The following ASB7 variants were observed in gnomAD, a reference collection of about 807,000 sequenced individuals.
ASB7 encodes the protein ankyrin repeat and SOCS box protein 7.
ASB7 carries 4 observed loss-of-function variants against 32.5 expected under a neutral mutation model. The ratio of observed to expected loss-of-function variants is 0.12; its 90% CI spans 0.06 to 0.28. The LOEUF is 0.28. Ranked by LOEUF, ASB7 falls within the 10% of genes least tolerant of loss-of-function variation. The pLI is 1.00. For synonymous variants in ASB7, 172 were observed against 155.6 expected, an observed-to-expected ratio of 1.11 and a Z score of -0.78; for missense variants, 181 against 407.1, an observed-to-expected ratio of 0.44 and a Z score of 4.78.
chr15:100,628,428 T>G (rs1415158167), intron 4 of ASB7, among the ~76,000 whole-genome samples: 1 of 152,194 alleles, frequency 6.6e-6, no homozygotes, highest in East Asian at 1.9e-4. Flanking sequence ...CATTAATGAT[T>G]TTTTTCTTTT....
intron 5 of ASB7, chr15:100,645,392 G>A (rs530290283): frequency 2.5e-5 from 7 of 275,098 alleles, no homozygotes; most frequent in Admixed American, 2.4e-4. Flanking sequence ...TTTATAGAAA[G>A]AATCTCTATA....
rs541308184 is a variant in ASB7 at position 100,606,492 on chromosome 15, A to G, written c.-174+3179A>G. ...TGGTGAAGGTTTTGTAACTTCGGACAGGTCTTAAGCATATTTTGTTTTATG... is the reference window on the plus strand; with the variant it reads ...TGGTGAAGGTTTTGTAACTTCGGACGGGTCTTAAGCATATTTTGTTTTATG... On this transcript the variant is annotated intron_variant, in intron 2 of 5. Transcript: ENST00000332783. Among the ~76,000 whole-genome samples, 238 of 152,332 alleles carry G rather than the reference A, an allele frequency of 1.6e-3. 2 individuals carry two copies. The highest frequency in any genetic ancestry group is 3.7e-4 in the Non-Finnish European group (25 of 68,026).
At position 100,603,313 on chromosome 15, in the gene ASB7, G is replaced by T; in HGVS notation, c.-174G>T. 3.6e-6 allele frequency: 1 copy of T among 275,164 alleles called. No individual in the cohort carries two copies. The highest frequency in any genetic ancestry group is 6.8e-6 in the Non-Finnish European group (1 of 147,818). The allele number at this position is 275,164 out of a possible 1,614,324, so 17.0% of individuals were successfully genotyped here. A position where few individuals can be genotyped will look rare whatever the true frequency, so the allele number is the denominator to read the frequency against. ...GCCTCTGACCAGCATCGTCTGTAAA[G>T]GTAATGAGCCAGCCCTCCCCTCCCC... On this transcript the variant is annotated splice_region_variant and 5_prime_UTR_variant, in exon 2 of 6. The change creates a new upstream start codon in the 5' untranslated region. Transcript: ENST00000332783.
At chr15:100,610,009 C>A (rs916486542) in intron 3 of ASB7, among the ~76,000 whole-genome samples, 181 bp downstream of exon 3, 1 of 152,180 alleles carries the variant, frequency 6.6e-6, no homozygotes, top group Non-Finnish European at 1.5e-5. Flanking sequence ...TAAGTGCCAA[C>A]ATAATCACTT....
At chr15:100,622,233 A>G (rs2039800175) in intron 4 of ASB7, among the ~76,000 whole-genome samples, 2 of 152,216 alleles carry the variant, frequency 1.3e-5, no homozygotes, top group Admixed American at 1.3e-4. Flanking sequence ...CCAACAACCT[A>G]GGAATAAATT....
chr15:100,626,457 G>A (rs1483383249), intron 4 of ASB7, among the ~76,000 whole-genome samples: 1 of 152,186 alleles, frequency 6.6e-6, no homozygotes, highest in Non-Finnish European at 1.5e-5. Flanking sequence ...ATGATACCAA[G>A]ATGTAGAACA....
chr15:100,612,648 G>A, intron 4 of ASB7: 1 of 575,272 alleles, frequency 1.7e-6, no homozygotes, highest in South Asian at 2.0e-5. Flanking sequence ...TGAAACTGTA[G>A]TGTCTGTACA....
At chr15:100,621,371 C>T (rs183283932) in intron 4 of ASB7, among the ~76,000 whole-genome samples, 6 of 152,218 alleles carry the variant, frequency 3.9e-5, no homozygotes, top group Admixed American at 3.3e-4. Flanking sequence ...ATTTTTCAAA[C>T]GTAGGCATTC....
Position 100,603,034 on chromosome 15 carries a change from G to C in ASB7, c.-285G>C, listed in dbSNP as rs1348628461. The C allele has an allele frequency of 5.0e-6, 2 of 399,270 alleles. No homozygotes were observed. The highest frequency in any genetic ancestry group is 8.8e-6 in the Non-Finnish European group (2 of 226,660). 24.7% of individuals were successfully genotyped at this position (399,270 alleles called of 1,614,324 possible). ...GCTGAAAGGAGGAAGAGAAGCAGCA[G>C]CTGAGGAGACAGGTAAAGTCCTTTA... On this transcript the variant is annotated 5_prime_UTR_variant, in exon 1 of 6. Transcript: ENST00000332783.
chr15:100,640,940 T>C (rs2039956808), intron 5 of ASB7, among the ~76,000 whole-genome samples: 2 of 152,376 alleles, frequency 1.3e-5, no homozygotes, highest in South Asian at 4.1e-4. Context: ...TGAACTATTA[T>C]GTAATTCCAT....
intron 4 of ASB7, among the ~76,000 whole-genome samples, chr15:100,617,648 G>T (rs2039754975): frequency 6.6e-6 from 1 of 152,220 alleles, no homozygotes; most frequent in Admixed American, 6.5e-5. Flanking sequence ...TGTTCCCTGT[G>T]TGATGTTATC....
chr15:100,619,287 A>G (rs189532982), intron 4 of ASB7, among the ~76,000 whole-genome samples: 2 of 152,204 alleles, frequency 1.3e-5, no homozygotes, highest in Non-Finnish European at 2.9e-5. Flanking sequence ...GGAGATGAAG[A>G]ATGTTCAGTA....
intron 5 of ASB7, among the ~76,000 whole-genome samples, chr15:100,644,478 T>C (rs1485522496): frequency 6.6e-6 from 1 of 152,224 alleles, no homozygotes; most frequent in Non-Finnish European, 1.5e-5. Flanking sequence ...GCTGTTGACC[T>C]GAGTGTGTTT....
intron 5 of ASB7, among the ~76,000 whole-genome samples, chr15:100,644,984 A>G (rs2039987999): frequency 6.6e-6 from 1 of 152,260 alleles, no homozygotes; most frequent in Non-Finnish European, 1.5e-5. Context: ...GTATGTTCAT[A>G]CAGGCCTTAC....
chr15:100,618,749 A>G (rs1276760022), intron 4 of ASB7, among the ~76,000 whole-genome samples: 1 of 152,104 alleles, frequency 6.6e-6, no homozygotes, highest in East Asian at 1.9e-4. Context: ...TGAGCACCTA[A>G]TAGATGCCAG....
intron 4 of ASB7, among the ~76,000 whole-genome samples, chr15:100,618,053 C>T (rs1318811781): frequency 6.6e-6 from 1 of 152,226 alleles, no homozygotes; most frequent in East Asian, 1.9e-4. Context: ...CTCCTGGGCT[C>T]AAGCAGTCCT....
intron 4 of ASB7, among the ~76,000 whole-genome samples, chr15:100,624,116 T>C (rs1441898585): frequency 1.3e-5 from 2 of 152,192 alleles, no homozygotes; most frequent in African/African-American, 4.8e-5. Flanking sequence ...GGCCTCTCGA[T>C]AGTAGAGAAT....
chr15:100,648,404 A>C lies in ASB7; in HGVS notation c.899A>C (p.Glu300Ala). The C allele has an allele frequency of 2.5e-6, 4 of 1,610,156 alleles. No individual in the cohort carries two copies. The highest frequency in any genetic ancestry group is 3.4e-6 in the Non-Finnish European group (4 of 1,176,472). Residue 300 changes from glutamate (E) to alanine (A), a missense_variant, in exon 6 of 6, where the codon GAA becomes GCA. Transcript: ENST00000332783. Reference sequence around the variant, plus strand: ...CTTCAAAACCTAAAGCTACTTGATGAACTACCAATTGCCAAGGTCATGAAA... The same window carrying C: ...CTTCAAAACCTAAAGCTACTTGATGCACTACCAATTGCCAAGGTCATGAAA... ...IGLQNLKLLD[E>A]LPIAKVMKDY...
At chr15:100,603,191 A>G in intron 1 of ASB7, 24 bp from the exon 2 acceptor site, 1 of 379,070 alleles carries the variant, frequency 2.6e-6, no homozygotes, top group Non-Finnish European at 4.6e-6. Flanking sequence ...ACACTACACC[A>G]CTCACTGGTT....
Sources: gnomAD v4.1 joint callset for allele counts (sites outside exome capture counted in the v4.1 genomes callset) on GRCh38, gnomAD v4.1.1 for gene constraint, MANE v1.5 for transcripts, NCBI Gene and HGNC (gene_info 2026-07-23, HGNC 2026-07-21) for gene names.